The following ZNF831 variants were observed in gnomAD, a reference collection of about 807,000 sequenced individuals.
The protein encoded by ZNF831 is zinc finger protein 831, also known as chromosome 20 open reading frame 174.
ZNF831 carries 59 observed loss-of-function variants against 95.8 expected under a neutral mutation model. That is an observed-to-expected ratio of 0.62 (90% CI 0.50 to 0.77). The LOEUF is 0.77. ZNF831 is among the 30% of genes least tolerant of loss of function. The probability of loss-of-function intolerance (pLI) is 0.00; values close to 1 mark genes in which losing one functional copy is unlikely to be tolerated. For missense variants in ZNF831, 2,205 were observed against 2,164.0 expected (o/e 1.02, Z -0.38); for synonymous variants, 961 against 925.5 (o/e 1.04, Z -0.70).
intron 3 of ZNF831, among the ~76,000 whole-genome samples, chr20:59,201,570 A>T (rs1476670039): frequency 1.3e-5 from 2 of 152,158 alleles, no homozygotes; most frequent in Non-Finnish European, 2.9e-5. Context: ...CTTTTCTTCT[A>T]AATTTTTCTC....
rs1984344316 is a variant in ZNF831 at position 59,199,107 on chromosome 20, CTAT to C, written c.3875+3103_3875+3105del. ...TCTATCTATCTATCTATCTATCTAT[CTAT>C]CTATCTATCTATCTATCTATCTATC... On this transcript the variant is annotated intron_variant, in intron 3 of 5. Transcript: ENST00000371030. 5.1e-5 allele frequency among the ~76,000 whole-genome samples: 6 copies of C among 116,646 alleles called. No homozygotes were observed. The South Asian group carries it at 1.8e-3, about 35-fold the overall frequency. 76.5% of individuals were successfully genotyped at this position (116,646 alleles called of 152,430 possible). A position where few individuals can be genotyped will look rare whatever the true frequency, so the allele number is the denominator to read the frequency against.
chr20:59,241,334 C>G (rs1273275774), intron 4 of ZNF831, among the ~76,000 whole-genome samples: 1 of 151,436 alleles, frequency 6.6e-6, no homozygotes, highest in African/African-American at 2.4e-5. Flanking sequence ...TCAGAACCCA[C>G]AGAAACCATT....
At chr20:59,137,453 C>G (rs143251042) in intron 1 of ZNF831, among the ~76,000 whole-genome samples, 422 of 152,244 alleles carry the variant, frequency 2.8e-3, no homozygotes, top group Non-Finnish European at 4.3e-3. Context: ...AGGTGGTCAA[C>G]TTCAAACTCA....
intron 2 of ZNF831, among the ~76,000 whole-genome samples, chr20:59,148,420 G>T (rs1284529341): frequency 2.0e-5 from 3 of 148,022 alleles, no homozygotes; most frequent in Admixed American, 6.7e-5. Flanking sequence ...GGTGGCTCAC[G>T]CCTGTAATCC....
intron 1 of ZNF831, among the ~76,000 whole-genome samples, chr20:59,164,841 G>A (rs1464395107): frequency 6.6e-6 from 1 of 152,168 alleles, no homozygotes; most frequent in Non-Finnish European, 1.5e-5. Context: ...GAGAGGTAAC[G>A]TGTTTCTCCT....
At chr20:59,124,496 G>C (rs984988888) in intron 1 of ZNF831, among the ~76,000 whole-genome samples, 2 of 152,224 alleles carry the variant, frequency 1.3e-5, no homozygotes, top group Admixed American at 6.5e-5. Context: ...AGCATGATTA[G>C]CTGTTGATCT....
rs2146543068 is a variant in ZNF831, at chr20:59,191,133, C to A, written c.114C>A (p.Gly38=). ...GGQASPHLTL[G]PVLLPPEQGL... is the part of the protein sequence containing the mutation. ...AGGCCTCACCTCACCTGACCCTGGG[C>A]CCTGTCCTTCTGCCGCCAGAGCAGG... The change falls in exon 2 of 6, where the codon GGC becomes GGA. Residue 38 remains glycine (G), a synonymous_variant. Coordinates refer to ENST00000371030, the MANE Select transcript of ZNF831 (RefSeq NM_178457.3). 6.3e-7 allele frequency: 1 copy of A among 1,599,564 alleles called. No individual in the cohort carries two copies.
chr20:59,215,457 T>C (rs1245817162), intron 4 of ZNF831, among the ~76,000 whole-genome samples: 1 of 152,264 alleles, frequency 6.6e-6, no homozygotes, highest in Non-Finnish European at 1.5e-5. Context: ...CAGGGCTATA[T>C]TTCCAATGGA....
chr20:59,168,231 G>A (rs1981439477), intron 1 of ZNF831, among the ~76,000 whole-genome samples: 1 of 152,158 alleles, frequency 6.6e-6, no homozygotes, highest in Non-Finnish European at 1.5e-5. Context: ...AACACAATAT[G>A]CCTCTTTATT....
chr20:59,136,631 C>T (rs1241792440), intron 1 of ZNF831, among the ~76,000 whole-genome samples: 1 of 152,194 alleles, frequency 6.6e-6, no homozygotes, highest in African/African-American at 2.4e-5. Flanking sequence ...AACCTCCCCC[C>T]TCCTCTGAGC....
upstream of ZNF831, among the ~76,000 whole-genome samples, chr20:59,159,299 C>T (rs961468661): frequency 6.6e-6 from 1 of 152,210 alleles, no homozygotes; most frequent in African/African-American, 2.4e-5. Flanking sequence ...AACAGCGCCC[C>T]TCTCCCTGTT....
chr20:59,216,594 A>G (rs1985694410), intron 4 of ZNF831, among the ~76,000 whole-genome samples: 1 of 152,110 alleles, frequency 6.6e-6, no homozygotes, highest in Admixed American at 6.5e-5. Flanking sequence ...GAAGTGGTAC[A>G]CACATGATAG....
chr20:59,244,224 C>CA (rs570483415), intron 4 of ZNF831, among the ~76,000 whole-genome samples: 6 of 151,410 alleles, frequency 4.0e-5, no homozygotes, highest in Non-Finnish European at 5.9e-5. Context: ...GGCAAAGTTT[C>CA]AAAAAAAATA....
rs2146547682 is a variant in ZNF831 at position 59,191,431 on chromosome 20, G to T, written c.412G>T (p.Val138Leu). 1 of 1,612,706 alleles carries T rather than the reference G, an allele frequency of 6.2e-7. No individual in the cohort carries two copies. Among genetic ancestry groups the T allele is most frequent in the South Asian group, 1.1e-5 (1 of 91,054 alleles). The change falls in exon 2 of 6, where the codon GTG (valine) becomes TTG (leucine). Residue 138 changes from valine to leucine, a missense_variant. Physicochemically the swap from Val to Leu is conservative, Grantham distance 32. Coordinates refer to ENST00000371030, the MANE Select transcript of ZNF831 (RefSeq NM_178457.3). The part of the protein sequence containing the change: ...LGPTLGSPGK[V>L]RNAGKYLCPH... ...CCCCACGCTGGGCAGCCCAGGCAAG[G>T]TGCGGAATGCGGGCAAGTACCTGTG... is the stretch of plus-strand genomic sequence containing the variant.
chr20:59,156,031 C>T (rs1260250317), intron 2 of ZNF831, among the ~76,000 whole-genome samples: 1 of 152,128 alleles, frequency 6.6e-6, no homozygotes, highest in African/African-American at 2.4e-5. Flanking sequence ...CAACCGAAGA[C>T]TGAAATTCCC....
intron 1 of ZNF831, among the ~76,000 whole-genome samples, chr20:59,173,314 T>A (rs259981): frequency 0.5 from 75,287 of 152,040 alleles, 21,159 homozygotes; most frequent in African/African-American, 0.78. Context: ...GCACCATTAA[T>A]TTTTTTGTTT....
chr20:59,130,166 C>A (rs1476311665), intron 1 of ZNF831, among the ~76,000 whole-genome samples: 1 of 152,088 alleles, frequency 6.6e-6, no homozygotes, highest in African/African-American at 2.4e-5. Flanking sequence ...AGAAGCTGAC[C>A]AACATTTGCT....
chr20:59,194,828 G>A (rs1983967945), intron 2 of ZNF831, 71 bp downstream of exon 2: 10 of 1,468,270 alleles, frequency 6.8e-6, no homozygotes. Context: ...CCTCTCATGA[G>A]GGAAGGAAGT....
chr20:59,219,113 A>G (rs1285670221), intron 4 of ZNF831, among the ~76,000 whole-genome samples: 3 of 152,210 alleles, frequency 2.0e-5, no homozygotes, highest in Admixed American at 1.3e-4. Context: ...CTCTTCCTCC[A>G]TGCAGACATG....
Sources: gnomAD v4.1 joint callset for allele counts (sites outside exome capture counted in the v4.1 genomes callset) on GRCh38, gnomAD v4.1.1 for gene constraint, MANE v1.5 for transcripts, NCBI Gene and HGNC (gene_info 2026-07-23, HGNC 2026-07-21) for gene names.